Variants in EPB41L3 observed in about 807,000 individuals in gnomAD.
EPB41L3 encodes the protein erythrocyte membrane protein band 4.1 like 3, also known as band 4.1-like protein 3.
EPB41L3 carries 57 observed loss-of-function variants against 127.1 expected under a neutral mutation model. The observed-to-expected ratio is 0.45, with a 90% CI of 0.36 to 0.56. The LOEUF (loss-of-function observed/expected upper bound fraction) is 0.56. Among genes scored for constraint, EPB41L3 ranks in the 20% least tolerant of loss-of-function variants. EPB41L3 has a pLI of 0.00. For missense variants in EPB41L3, 1,273 were observed against 1,372.2 expected, an observed-to-expected ratio of 0.93 and a Z score of 1.14; for synonymous variants, 572 against 549.5, an observed-to-expected ratio of 1.04 and a Z score of -0.57.
intron 3 of EPB41L3, among the ~76,000 whole-genome samples, chr18:5,578,436 T>C (rs143849162): frequency 2.0e-5 from 3 of 152,340 alleles, no homozygotes; most frequent in African/African-American, 7.2e-5. Context: ...GGCTTTGCTA[T>C]GCTAATTGTC....
chr18:5,600,023 C>T (rs952416718), intron 3 of EPB41L3, among the ~76,000 whole-genome samples: 16 of 152,160 alleles, frequency 1.1e-4, no homozygotes, highest in African/African-American at 3.4e-4. Flanking sequence ...CTGTAGTACA[C>T]TCCACTTAGT....
intron 1 of EPB41L3, chr18:5,540,665 AC>A: frequency 2.0e-6 from 1 of 504,622 alleles, no homozygotes; most frequent in Non-Finnish European, 2.6e-6. Flanking sequence ...GATCTCTCTA[AC>A]TGAAGTGGTG....
In EPB41L3 at chr18:5,478,380, T is replaced by C. The variant is rs1435829804; in HGVS notation, c.242A>G (p.Gln81Arg). 3 of 1,614,094 alleles carry C rather than the reference T, an allele frequency of 1.9e-6. No homozygotes were observed. Among genetic ancestry groups the C allele is most frequent in the African/African-American group, 1.3e-5 (1 of 74,942 alleles). ...ARAAKQLEYQ[Q>R]LEDDKLSQKS... is the part of the protein sequence containing the mutation. ...CTGAGAAAGTTTATCGTCTTCTAAT[T>C]GCTGATATTCGAGCTGTTTTGCAGC... Residue 81 changes from glutamine to arginine, a missense_variant, in exon 3 of 23, where the codon CAA (glutamine) becomes CGA (arginine). This residue lies in a region of EPB41L3 where 182 missense variants were observed against 149.2 expected (regional missense o/e 1.22). Coordinates refer to ENST00000341928, the MANE Select transcript of EPB41L3 (RefSeq NM_012307.5).
intron 1 of EPB41L3, among the ~76,000 whole-genome samples, chr18:5,529,928 ATGTGTGTGTGTGTG>A (rs10611279): frequency 2.0e-5 from 3 of 146,772 alleles, no homozygotes; most frequent in South Asian, 4.4e-4. Flanking sequence ...CAACTCATAT[ATGTGTGTGTGTGTG>A]TGTGTGTGTG....
chr18:5,406,864 T>C lies in EPB41L3; in HGVS notation c.2262A>G (p.Glu754=). Residue 754 remains glutamate, a synonymous_variant, in exon 16 of 23, where the codon GAA becomes GAG. Coordinates refer to ENST00000341928, the MANE Select transcript of EPB41L3 (RefSeq NM_012307.5). The part of the protein sequence containing the change: ...ETSTDTAVTN[E]WEKRLSTSPV... ...GGGAGGTGGAAAGCCTCTTCTCCCATTCATTCGTTACGGCAGTGTCTGTTG... is the reference window on the plus strand; with the variant it reads ...GGGAGGTGGAAAGCCTCTTCTCCCACTCATTCGTTACGGCAGTGTCTGTTG... 6.2e-7 allele frequency: 1 copy of C among 1,614,170 alleles called. No homozygotes were observed.
chr18:5,629,594 GC>G (rs532497335), upstream of EPB41L3, among the ~76,000 whole-genome samples: 23 of 151,814 alleles, frequency 1.5e-4, no homozygotes, highest in East Asian at 3.9e-4. Flanking sequence ...TTCCCGGAAG[GC>G]CCCCCCCTCC....
In EPB41L3 at chr18:5,438,058, G is replaced by C; in HGVS notation, c.582C>G (p.Ala194=). The C allele has an allele frequency of 5.0e-6, 8 of 1,613,790 alleles. No homozygotes were observed. The highest frequency in any genetic ancestry group is 5.1e-6 in the Non-Finnish European group (6 of 1,179,910). Residue 194 remains alanine, a synonymous_variant, in exon 6 of 23, where the codon GCC becomes GCG. Coordinates refer to ENST00000341928, the MANE Select transcript of EPB41L3 (RefSeq NM_012307.5). ...FNVKFYPPDP[A]QLSEDITRYY... ...ACCTGGTGATATCTTCAGATAGTTG[G>C]GCAGGGTCTGGTGGATAAAATTTCA... is the stretch of plus-strand genomic sequence containing the variant.
intron 1 of EPB41L3, among the ~76,000 whole-genome samples, chr18:5,624,691 C>G (rs73937180): frequency 1.3e-5 from 2 of 152,328 alleles, no homozygotes; most frequent in African/African-American, 4.8e-5. Context: ...TGTCTCTAGA[C>G]AGTCATCCTC....
chr18:5,546,649 A>G (rs1441349109), upstream of EPB41L3, among the ~76,000 whole-genome samples: 1 of 152,236 alleles, frequency 6.6e-6, no homozygotes, highest in African/African-American at 2.4e-5. Context: ...GGAAGCAATT[A>G]CTTTGGAATC....
At chr18:5,544,276 C>T (rs2093838236), upstream of EPB41L3, 1 of 985,536 alleles carries the variant, frequency 1.0e-6, no homozygotes, top group Non-Finnish European at 1.2e-6. Flanking sequence ...ATAGCTTTAG[C>T]CCTTTATTCC....
At position 5,511,102 on chromosome 18, in the gene EPB41L3, G is replaced by C. The variant is rs187826879; in HGVS notation, c.-11-21908C>G. Reference sequence around the variant, plus strand: ...ATGCAGTGAAAGAGCAAAGAACAAAGTCATTTGTTTGACCTAAGACCTTCA... The same window carrying C: ...ATGCAGTGAAAGAGCAAAGAACAAACTCATTTGTTTGACCTAAGACCTTCA... On this transcript the variant is annotated intron_variant, in intron 1 of 22. Coordinates refer to ENST00000341928, the MANE Select transcript of EPB41L3 (RefSeq NM_012307.5). 4.8e-3 allele frequency among the ~76,000 whole-genome samples: 726 copies of C among 152,116 alleles called. 3 individuals carry two copies. Among genetic ancestry groups the C allele is most frequent in the Non-Finnish European group, 7.1e-3 (481 of 68,008 alleles).
chr18:5,614,047 A>G (rs1180807897), intron 2 of EPB41L3, among the ~76,000 whole-genome samples: 1 of 152,234 alleles, frequency 6.6e-6, no homozygotes, highest in African/African-American at 2.4e-5. Flanking sequence ...AATCTAGAAC[A>G]CACAGCAGAA....
chr18:5,476,461 T>C (rs1032159051), intron 3 of EPB41L3, among the ~76,000 whole-genome samples: 9 of 152,256 alleles, frequency 5.9e-5, no homozygotes, highest in Admixed American at 5.2e-4. Context: ...AGCACAGACA[T>C]AAATTAAATC....
At chr18:5,564,840 A>G (rs1231010138) in intron 3 of EPB41L3, among the ~76,000 whole-genome samples, 2 of 152,036 alleles carry the variant, frequency 1.3e-5, no homozygotes, top group African/African-American at 4.8e-5. Context: ...AGGCTTGTGT[A>G]TTGAGTGGGT....
intron 1 of EPB41L3, among the ~76,000 whole-genome samples, chr18:5,504,912 T>G (rs2092027931): frequency 6.6e-6 from 1 of 152,120 alleles, no homozygotes; most frequent in Non-Finnish European, 1.5e-5. Flanking sequence ...TCCAGTGCCC[T>G]TGAACGTGCT....
At chr18:5,506,649 G>A (rs112367996) in intron 1 of EPB41L3, among the ~76,000 whole-genome samples, 2,611 of 152,230 alleles carry the variant, frequency 0.017, 63 homozygotes, top group African/African-American at 0.059. Context: ...CCCAGGAAGT[G>A]GGGGATTTTT....
chr18:5,434,631 C>T (rs2079481015), intron 6 of EPB41L3, among the ~76,000 whole-genome samples: 2 of 152,170 alleles, frequency 1.3e-5, no homozygotes, highest in Non-Finnish European at 2.9e-5. Flanking sequence ...GACGTCATAG[C>T]TATCTTAATG....
chr18:5,606,867 CCCACCATGG>C (rs2094659321), intron 3 of EPB41L3, among the ~76,000 whole-genome samples: 1 of 151,328 alleles, frequency 6.6e-6, no homozygotes, highest in Non-Finnish European at 1.5e-5. Context: ...CTAACACCTG[CCCACCATGG>C]CGTCATTCTC....
intron 3 of EPB41L3, among the ~76,000 whole-genome samples, chr18:5,586,390 C>A (rs1194785913): frequency 3.1e-5 from 4 of 129,728 alleles, no homozygotes; most frequent in Non-Finnish European, 4.8e-5. Flanking sequence ...CTGTGATTTT[C>A]TTTTTCTTTT....
Sources: gnomAD v4.1 joint callset for allele counts (sites outside exome capture counted in the v4.1 genomes callset) on GRCh38, gnomAD v4.1.1 for gene constraint, gnomAD v4.1.1 regional missense constraint, MANE v1.5 for transcripts, NCBI Gene and HGNC (gene_info 2026-07-23, HGNC 2026-07-21) for gene names.